DIS3L2: variants seen among roughly 807,000 people sequenced by gnomAD.
DIS3L2 encodes DIS3 like 3'-5' exoribonuclease 2.
DIS3L2 carries 34 observed loss-of-function variants against 97.5 expected under a neutral mutation model. The ratio of observed to expected loss-of-function variants is 0.35; its 90% CI spans 0.27 to 0.46. The LOEUF is 0.46. DIS3L2 is among the 20% of genes least tolerant of loss of function. The pLI is 1.00. For missense variants in DIS3L2, 1,038 were observed against 1,146.0 expected (o/e 0.91, Z 1.36); for synonymous variants, 435 against 445.2 (o/e 0.98, Z 0.29).
downstream of DIS3L2, among the ~76,000 whole-genome samples, chr2:232,337,350 A>ACTC (rs1369450942): frequency 6.6e-6 from 1 of 151,776 alleles, no homozygotes; most frequent in African/African-American, 2.4e-5. Context: ...CTCAAGCAGC[A>ACTC]CTCTGTGAGG....
At chr2:232,297,667 G>C (rs995696114) in intron 13 of DIS3L2, among the ~76,000 whole-genome samples, 1 of 151,786 alleles carries the variant, frequency 6.6e-6, no homozygotes, top group African/African-American at 2.4e-5. Flanking sequence ...CTAGTGATAG[G>C]CACTGTTGCT....
chr2:232,001,098 A>G (rs1250509299), intron 1 of DIS3L2, among the ~76,000 whole-genome samples: 1 of 152,200 alleles, frequency 6.6e-6, no homozygotes, highest in East Asian at 1.9e-4. Flanking sequence ...ATCATAGGGT[A>G]GTTCTGTTTT....
chr2:232,343,387 C>G (rs933694296), exon 14 of DIS3L2: 2 of 1,556,426 alleles, frequency 1.3e-6, no homozygotes, highest in African/African-American at 2.7e-5. Context: ...TCAGGCCTCT[C>G]ACAGCCCCTC....
chr2:232,164,269 A>C (rs1478170557), intron 9 of DIS3L2, among the ~76,000 whole-genome samples: 5 of 152,284 alleles, frequency 3.3e-5, no homozygotes, highest in Middle Eastern at 3.4e-3. Flanking sequence ...CCTTACTTTT[A>C]GGTCTGGAAT....
chr2:232,286,613 A>G (rs34367743), intron 13 of DIS3L2, among the ~76,000 whole-genome samples: 1,795 of 152,330 alleles, frequency 0.012, 16 homozygotes, highest in Non-Finnish European at 0.017. Flanking sequence ...TAATACATCA[A>G]GAACATCATT....
At chr2:232,341,197 C>T (rs1166728255), downstream of DIS3L2, among the ~76,000 whole-genome samples, 2 of 152,162 alleles carry the variant, frequency 1.3e-5, no homozygotes, top group African/African-American at 2.4e-5. Context: ...AAGAGGAAAC[C>T]GTAGTGACAG....
chr2:232,243,795 C>T (rs1693172370), intron 11 of DIS3L2, among the ~76,000 whole-genome samples: 1 of 152,184 alleles, frequency 6.6e-6, no homozygotes, highest in Non-Finnish European at 1.5e-5. Flanking sequence ...TTTGCTGTCC[C>T]CTCGGAGATA....
chr2:232,047,464 A>G (rs1695273465), intron 5 of DIS3L2, among the ~76,000 whole-genome samples: 1 of 152,212 alleles, frequency 6.6e-6, no homozygotes, highest in South Asian at 2.1e-4. Flanking sequence ...AAAATGATTT[A>G]TTATTTGTAA....
intron 9 of DIS3L2, among the ~76,000 whole-genome samples, chr2:232,172,388 T>A (rs1348618633): frequency 6.6e-6 from 1 of 152,236 alleles, no homozygotes; most frequent in Non-Finnish European, 1.5e-5. Context: ...AATGGAGTCA[T>A]ACAGCAAGTT....
In DIS3L2 at chr2:232,329,834, C is replaced by T. The variant is rs1695681583; in HGVS notation, c.1761C>T (p.Leu587=). ...GCAGGCTCGTGGAGGAGTTCATGCT[C>T]TTGGCCAACATGGCAGTGGCCCACA... ...ESNKLVEEFM[L]LANMAVAHKI... Residue 587 remains leucine, a synonymous_variant, in exon 15 of 21, where the codon CTC becomes CTT. Coordinates refer to ENST00000325385, the MANE Select transcript of DIS3L2 (RefSeq NM_152383.5). The T allele has an allele frequency of 7.7e-7, 1 of 1,302,550 alleles. No individual in the cohort carries two copies. Among genetic ancestry groups the T allele is most frequent in the Non-Finnish European group, 1.0e-6 (1 of 979,162 alleles). The allele number at this position is 1,302,550 out of a possible 1,614,324, so 80.7% of individuals were successfully genotyped here. A position where few individuals can be genotyped will look rare whatever the true frequency, so the allele number is the denominator to read the frequency against.
At chr2:232,296,540 G>C (rs929570085) in intron 13 of DIS3L2, among the ~76,000 whole-genome samples, 2 of 152,140 alleles carry the variant, frequency 1.3e-5, no homozygotes, top group Non-Finnish European at 2.9e-5. Flanking sequence ...GAATTATGGG[G>C]GTGGGCTTTC....
intron 6 of DIS3L2, chr2:232,087,969 G>A: frequency 2.2e-6 from 1 of 451,792 alleles, no homozygotes. Context: ...GGCTTGAGCT[G>A]TGTTGCTGGT....
intron 11 of DIS3L2, among the ~76,000 whole-genome samples, chr2:232,245,655 ATATAAT>A (rs1693226742): frequency 6.6e-6 from 1 of 152,222 alleles, no homozygotes; most frequent in South Asian, 2.1e-4. Context: ...TAAAAATTAA[ATATAAT>A]TATACTAACC....
At chr2:232,284,980 T>C (rs918082622) in intron 13 of DIS3L2, among the ~76,000 whole-genome samples, 1 of 152,178 alleles carries the variant, frequency 6.6e-6, no homozygotes, top group Non-Finnish European at 1.5e-5. Flanking sequence ...TTTTGAGGCT[T>C]TCATTTTACA....
chr2:232,278,372 C>A (rs1404475999), intron 13 of DIS3L2, among the ~76,000 whole-genome samples: 2 of 152,122 alleles, frequency 1.3e-5, no homozygotes, highest in African/African-American at 2.4e-5. Flanking sequence ...TACAGTTCTG[C>A]AAGCTACACG....
At chr2:232,062,139 C>T (rs1236063231) in intron 5 of DIS3L2, among the ~76,000 whole-genome samples, 1 of 152,150 alleles carries the variant, frequency 6.6e-6, no homozygotes, top group East Asian at 1.9e-4. Context: ...GAAAGTCGGC[C>T]TTGGCTTCAG....
At chr2:232,088,390 C>CAAAAAAAAAAAAA (rs778505065) in intron 6 of DIS3L2, among the ~76,000 whole-genome samples, 4 of 55,642 alleles carry the variant, frequency 7.2e-5, no homozygotes, top group Non-Finnish European at 7.6e-5. Flanking sequence ...ACTAAAAATA[C>CAAAAAAAAAAAAA]AAAAAAAAAA....
chr2:232,001,418 ATTGT>A (rs1242851268), intron 1 of DIS3L2, among the ~76,000 whole-genome samples: 8 of 152,026 alleles, frequency 5.3e-5, no homozygotes, highest in Non-Finnish European at 8.8e-5. Flanking sequence ...CTTGCAATTG[ATTGT>A]TTGAGTTCCT....
chr2:231,994,081 T>G (rs1693662594), intron 1 of DIS3L2, among the ~76,000 whole-genome samples: 1 of 144,232 alleles, frequency 6.9e-6, no homozygotes, highest in Non-Finnish European at 1.5e-5. Flanking sequence ...TTTTGTTGGT[T>G]TTTTTTTTTT....
Sources: gnomAD v4.1 joint callset for allele counts (sites outside exome capture counted in the v4.1 genomes callset) on GRCh38, gnomAD v4.1.1 for gene constraint, MANE v1.5 for transcripts, NCBI Gene and HGNC (gene_info 2026-07-23, HGNC 2026-07-21) for gene names.